The following PACSIN2 variants were observed in gnomAD, a reference collection of about 807,000 sequenced individuals.
The protein encoded by PACSIN2 is protein kinase C and casein kinase substrate in neurons protein 2.
In PACSIN2, 25 loss-of-function variants were observed where a neutral mutation model predicts 63.8. That is an observed-to-expected ratio of 0.39 (90% CI 0.29 to 0.55). PACSIN2 has a LOEUF of 0.55. Ranked by LOEUF, PACSIN2 falls within the 20% of genes least tolerant of loss-of-function variation. PACSIN2 has a pLI of 0.62. For missense variants in PACSIN2, 518 were observed against 646.9 expected, an observed-to-expected ratio of 0.80 and a Z score of 2.16; for synonymous variants, 255 against 256.2, an observed-to-expected ratio of 1.00 and a Z score of 0.05.
intron 10 of PACSIN2, among the ~76,000 whole-genome samples, chr22:42,873,867 C>G (rs1467254259): frequency 6.6e-6 from 1 of 151,528 alleles, no homozygotes; most frequent in African/African-American, 2.4e-5. Flanking sequence ...GATCTCAGCT[C>G]ACTGCAACCT....
intron 1 of PACSIN2, among the ~76,000 whole-genome samples, chr22:42,982,886 A>AC (rs1569350342): frequency 2.9e-5 from 4 of 139,848 alleles, no homozygotes; most frequent in Non-Finnish European, 4.6e-5. Flanking sequence ...AAAAAAAAAA[A>AC]AAAACAACAA....
At chr22:42,996,966 A>T (rs1197208630) in intron 1 of PACSIN2, among the ~76,000 whole-genome samples, 1 of 152,234 alleles carries the variant, frequency 6.6e-6, no homozygotes, top group Non-Finnish European at 1.5e-5. Context: ...TAAACATTAA[A>T]TTTTTTAAAA....
In PACSIN2 at chr22:42,927,439, G is replaced by C. The variant is rs565171993; in HGVS notation, c.-77-15282C>G. On this transcript the variant is annotated intron_variant, in intron 1 of 10. Coordinates refer to ENST00000263246, the MANE Select transcript of PACSIN2 (RefSeq NM_001184970.3). ...TTTAAAAATATTTTTAGTAGAGACA[G>C]GGTTTCGCCATGTTGGCCAGGCTGG... 2.7e-4 allele frequency among the ~76,000 whole-genome samples: 41 copies of C among 152,218 alleles called. No homozygotes were observed. In the South Asian group the frequency reaches 7.5e-3, roughly 28 times the overall value.
chr22:42,926,816 C>T (rs928797156), intron 1 of PACSIN2, among the ~76,000 whole-genome samples: 2 of 151,804 alleles, frequency 1.3e-5, no homozygotes, highest in Non-Finnish European at 2.9e-5. Flanking sequence ...GCACTCCTGC[C>T]TCGGCAACAT....
At chr22:43,008,113 C>T (rs1228199075) in intron 1 of PACSIN2, among the ~76,000 whole-genome samples, 1 of 152,218 alleles carries the variant, frequency 6.6e-6, no homozygotes, top group Admixed American at 6.5e-5. Context: ...CTATCAGCTT[C>T]CATGTCTGAG....
intron 1 of PACSIN2, among the ~76,000 whole-genome samples, chr22:43,011,915 G>C (rs1924513083): frequency 6.6e-6 from 1 of 151,908 alleles, no homozygotes; most frequent in South Asian, 2.1e-4. Flanking sequence ...GGGAGGCCAA[G>C]GCAGGTGGAT....
chr22:43,009,696 A>T (rs963266748), intron 1 of PACSIN2, among the ~76,000 whole-genome samples: 1 of 152,162 alleles, frequency 6.6e-6, no homozygotes, highest in African/African-American at 2.4e-5. Flanking sequence ...GTCATCTCAT[A>T]TTCTTGGGAG....
intron 1 of PACSIN2, among the ~76,000 whole-genome samples, chr22:43,011,250 G>C (rs1924470095): frequency 6.6e-6 from 1 of 152,168 alleles, no homozygotes; most frequent in Non-Finnish European, 1.5e-5. Context: ...ACTGCCCTCA[G>C]GTATGCAGCT....
At position 42,906,088 on chromosome 22, in the gene PACSIN2, C is replaced by T. The variant is rs150094614; in HGVS notation, c.60+5933G>A. Among the ~76,000 whole-genome samples the T allele has an allele frequency of 1.2e-4, 19 of 152,370 alleles. No homozygotes were observed. In the East Asian group the frequency reaches 3.1e-3, roughly 25 times the overall value. Reference sequence around the variant, plus strand: ...GATGGCAGCAGTGCTGAAAACTGTCCAAGGGAAATGGCAGTCACTTGTGGA... The same window carrying T: ...GATGGCAGCAGTGCTGAAAACTGTCTAAGGGAAATGGCAGTCACTTGTGGA... On this transcript the variant is annotated intron_variant, in intron 2 of 10. Coordinates refer to ENST00000263246, the MANE Select transcript of PACSIN2 (RefSeq NM_001184970.3).
intron 2 of PACSIN2, among the ~76,000 whole-genome samples, chr22:42,901,573 G>A (rs903837896): frequency 6.6e-6 from 1 of 152,224 alleles, no homozygotes; most frequent in Non-Finnish European, 1.5e-5. Flanking sequence ...GTCAGGTAGA[G>A]TCAGAGCTAT....
In PACSIN2 at chr22:42,916,403, G is replaced by C. The variant is rs984605363; in HGVS notation, c.-77-4246C>G. ...TGTTCACAGAGCAACAACCTGGGGT[G>C]GGGGTGGGGATGGGGGGTGGGGAAG... is the stretch of plus-strand genomic sequence containing the variant. On this transcript the variant is annotated intron_variant, in intron 1 of 10. Transcript: ENST00000263246. 3.7e-4 allele frequency among the ~76,000 whole-genome samples: 56 copies of C among 151,208 alleles called. 1 individual carries two copies. Among genetic ancestry groups the C allele is most frequent in the African/African-American group, 1.3e-3 (52 of 41,172 alleles).
intron 1 of PACSIN2, among the ~76,000 whole-genome samples, chr22:42,942,340 T>C (rs1361232617): frequency 1.3e-5 from 2 of 152,142 alleles, no homozygotes; most frequent in Non-Finnish European, 2.9e-5. Flanking sequence ...TAACATCCTC[T>C]GAAGCACAAA....
intron 1 of PACSIN2, among the ~76,000 whole-genome samples, chr22:42,921,324 C>T (rs1030940702): frequency 2.0e-5 from 3 of 150,484 alleles, no homozygotes; most frequent in African/African-American, 4.9e-5. Context: ...GTGTCACTGT[C>T]GCCCACCCTG....
chr22:42,889,327 A>AG (rs778043734), intron 4 of PACSIN2, among the ~76,000 whole-genome samples: 5 of 150,360 alleles, frequency 3.3e-5, no homozygotes, highest in African/African-American at 4.9e-5. Context: ...GGACCATACT[A>AG]GGGGGCAGGG....
intron 1 of PACSIN2, among the ~76,000 whole-genome samples, chr22:42,976,308 T>A (rs773182193): frequency 6.6e-6 from 1 of 152,146 alleles, no homozygotes; most frequent in African/African-American, 2.4e-5. Context: ...CTGGTTCCTA[T>A]AGAGCAAGGC....
intron 7 of PACSIN2, among the ~76,000 whole-genome samples, chr22:42,881,341 T>G (rs1256592368): frequency 6.6e-6 from 1 of 152,084 alleles, no homozygotes; most frequent in East Asian, 1.9e-4. Flanking sequence ...ATTCCACACG[T>G]GGGAAAACTG....
At chr22:43,013,964 T>A (rs899231166) in intron 1 of PACSIN2, among the ~76,000 whole-genome samples, 8 of 152,068 alleles carry the variant, frequency 5.3e-5, no homozygotes, top group Non-Finnish European at 8.8e-5. Flanking sequence ...AAGAGTGGCA[T>A]CCCCAGGTCC....
intron 1 of PACSIN2, among the ~76,000 whole-genome samples, chr22:43,012,797 T>C (rs1407469280): frequency 6.6e-6 from 1 of 152,054 alleles, no homozygotes; most frequent in Non-Finnish European, 1.5e-5. Context: ...GGATTACAGG[T>C]ATGAGCACCA....
chr22:42,950,999 T>C (rs918583521), intron 1 of PACSIN2, among the ~76,000 whole-genome samples: 1 of 151,958 alleles, frequency 6.6e-6, no homozygotes, highest in East Asian at 1.9e-4. Flanking sequence ...TACCTGGACA[T>C]ATGGTGGTCA....
Sources: gnomAD v4.1 joint callset for allele counts (sites outside exome capture counted in the v4.1 genomes callset) on GRCh38, gnomAD v4.1.1 for gene constraint, MANE v1.5 for transcripts, NCBI Gene and HGNC (gene_info 2026-07-23, HGNC 2026-07-21) for gene names.